Variants in COL4A6 observed in about 807,000 individuals in gnomAD.
COL4A6 encodes the protein collagen type IV alpha 6 chain.
COL4A6 carries 59 observed loss-of-function variants against 126.7 expected under a neutral mutation model. The observed-to-expected ratio is 0.47, with a 90% CI of 0.38 to 0.58. COL4A6 has a LOEUF of 0.58. COL4A6 is among the 20% of genes least tolerant of loss of function. The probability of loss-of-function intolerance (pLI) is 0.00; values close to 1 mark genes in which losing one functional copy is unlikely to be tolerated. For synonymous variants in COL4A6, 547 were observed against 496.6 expected (o/e 1.10, Z -1.35); for missense variants, 1,285 against 1,337.3 (o/e 0.96, Z 0.61).
At chrX:108,283,543 A>G (rs1205178972) in intron 3 of COL4A6, among the ~76,000 whole-genome samples, 2 of 106,704 alleles carry the variant, frequency 1.9e-5, no homozygotes, top group Non-Finnish European at 1.9e-5. Flanking sequence ...CCTTAAGATG[A>G]ACATTCTCCT....
At chrX:108,178,896 T>C (rs748513885) in intron 26 of COL4A6, 51 bp from the exon 27 acceptor site, 16 of 1,149,794 alleles carry the variant, frequency 1.4e-5, no homozygotes, top group Non-Finnish European at 1.9e-5. Flanking sequence ...TAGCAGTGAG[T>C]GGGTCAGCAA....
At chrX:108,388,294 C>T (rs1436527321) in intron 2 of COL4A6, among the ~76,000 whole-genome samples, 1 of 112,065 alleles carries the variant, frequency 8.9e-6, no homozygotes, top group Non-Finnish European at 1.9e-5. Flanking sequence ...AGGAATGGTA[C>T]CAGCTCCTCT....
intron 31 of COL4A6, 23 bp downstream of exon 31, chrX:108,174,417 G>A: frequency 4.1e-6 from 5 of 1,206,765 alleles, no homozygotes; most frequent in Non-Finnish European, 5.6e-6. Flanking sequence ...CTGGTATAAA[G>A]ACAAAGATCT....
At chrX:108,276,006 G>T (rs1332530690) in intron 3 of COL4A6, among the ~76,000 whole-genome samples, 1 of 112,789 alleles carries the variant, frequency 8.9e-6, no homozygotes, top group African/African-American at 3.2e-5. Flanking sequence ...AAAACAGAAG[G>T]TTCCTCCTGT....
rs1027262497 is a variant in COL4A6 at position 108,302,845 on chromosome X, A to T, written c.144+7903T>A. Among the ~76,000 whole-genome samples, 3 of 111,635 alleles carry T rather than the reference A, an allele frequency of 2.7e-5. No homozygotes were observed. In the Admixed American group the frequency reaches 2.9e-4, roughly 11 times the overall value. On this transcript the variant is annotated intron_variant, in intron 3 of 44. Transcript: ENST00000334504. ...AATAGTAATAATAATAGTCTAATAC[A>T]TAGCATTTAGTGAACCACACAGCTT...
intron 3 of COL4A6, among the ~76,000 whole-genome samples, chrX:108,301,296 T>C (rs927817846): frequency 1.8e-5 from 2 of 112,345 alleles, no homozygotes; most frequent in Non-Finnish European, 3.8e-5. Flanking sequence ...TGTAATCACA[T>C]ATAAAAAACA....
intron 7 of COL4A6, among the ~76,000 whole-genome samples, chrX:108,210,673 A>G (rs1469472059): frequency 1.8e-5 from 2 of 112,242 alleles, no homozygotes; most frequent in African/African-American, 6.5e-5. Flanking sequence ...TAGCATGGAA[A>G]GAGCACTGCC....
At chrX:108,212,559 G>C (rs2148230473) in intron 6 of COL4A6, among the ~76,000 whole-genome samples, 1 of 111,860 alleles carries the variant, frequency 8.9e-6, no homozygotes, top group Admixed American at 9.5e-5. Flanking sequence ...TAAGCTTTGT[G>C]GACTGAAGCA....
rs1298112378 is a variant in COL4A6, at chrX:108,389,424, G to T, written c.63+48518C>A. ...CCCGTATTGGGTGCATATATATTTA[G>T]GATAGTTACCTCTTCTTTTGCATTG... On this transcript the variant is annotated intron_variant, in intron 2 of 44. Coordinates refer to ENST00000334504, the MANE Select transcript of COL4A6 (RefSeq NM_033641.4). Among the ~76,000 whole-genome samples, 29 of 111,675 alleles carry T rather than the reference G, an allele frequency of 2.6e-4. 1 individual carries two copies. Among genetic ancestry groups the T allele is most frequent in the Non-Finnish European group, 1.9e-5 (1 of 53,146 alleles).
chrX:108,159,729 C>A lies in COL4A6; in HGVS notation c.4545G>T (p.Leu1515=). 3 of 1,211,593 alleles carry A rather than the reference C, an allele frequency of 2.5e-6. No homozygotes were observed. Among genetic ancestry groups the A allele is most frequent in the South Asian group, 3.5e-5 (2 of 56,958 alleles). Residue 1515 remains leucine (L), a synonymous_variant, in exon 44 of 45, where the codon CTG becomes CTT. Coordinates refer to ENST00000334504, the MANE Select transcript of COL4A6 (RefSeq NM_033641.4). ...TGAAGGGCATGGTGCTGAAGCGGGG[C>A]AGACAGGAGCCAGCAAAGCCTGGAA... ...NQDLGFAGSC[L]PRFSTMPFIY... is the part of the protein sequence containing the mutation.
chrX:108,342,898 C>T (rs762281459), intron 2 of COL4A6, among the ~76,000 whole-genome samples: 3 of 109,128 alleles, frequency 2.7e-5, no homozygotes, highest in Non-Finnish European at 5.7e-5. Flanking sequence ...ATGTGTTAGA[C>T]ACTGCATTAT....
intron 40 of COL4A6, chrX:108,163,327 G>T (rs1337746929): frequency 1.2e-5 from 3 of 250,882 alleles, no homozygotes; most frequent in Non-Finnish European, 2.1e-5. Context: ...AGAAGCATTT[G>T]CTGCTAATAT....
chrX:108,216,975 C>T (rs1159393291), intron 5 of COL4A6, among the ~76,000 whole-genome samples: 4 of 112,568 alleles, frequency 3.6e-5, no homozygotes, highest in Non-Finnish European at 7.5e-5. Flanking sequence ...GATAAACACA[C>T]ATTTCTTGTG....
At chrX:108,387,423 T>A (rs1288733560) in intron 2 of COL4A6, among the ~76,000 whole-genome samples, 1 of 111,838 alleles carries the variant, frequency 8.9e-6, no homozygotes, top group Non-Finnish European at 1.9e-5. Context: ...CTTGAAGAGG[T>A]CCTTCATATC....
chrX:108,302,121 T>A (rs187295767), intron 3 of COL4A6, among the ~76,000 whole-genome samples: 16 of 111,398 alleles, frequency 1.4e-4, no homozygotes, highest in African/African-American at 5.2e-4. Context: ...AACATGTATA[T>A]TTATACATTG....
chrX:108,180,649 G>A (rs1248181761), intron 24 of COL4A6, 27 bp from the exon 25 acceptor site: 7 of 1,097,783 alleles, frequency 6.4e-6, no homozygotes, highest in Admixed American at 2.8e-5. Flanking sequence ...AAGCAATGAG[G>A]GGAAAGGAAA....
intron 2 of COL4A6, among the ~76,000 whole-genome samples, chrX:108,312,839 C>T (rs1167896886): frequency 1.8e-5 from 2 of 110,689 alleles, no homozygotes; most frequent in East Asian, 5.7e-4. Context: ...TTGAGTGTTC[C>T]ATAAAATTGG....
chrX:108,337,440 C>G (rs758371873), intron 2 of COL4A6, among the ~76,000 whole-genome samples: 14 of 112,763 alleles, frequency 1.2e-4, no homozygotes, highest in Non-Finnish European at 2.1e-4. Context: ...ATCACTCCAT[C>G]AGAAAGGAAA....
intron 3 of COL4A6, among the ~76,000 whole-genome samples, chrX:108,262,045 G>A (rs891833720): frequency 8.9e-6 from 1 of 111,933 alleles, no homozygotes; most frequent in Non-Finnish European, 1.9e-5. Flanking sequence ...CAAGGGATTT[G>A]TTGGGTCCTG....
Sources: gnomAD v4.1 joint callset for allele counts (sites outside exome capture counted in the v4.1 genomes callset) on GRCh38, gnomAD v4.1.1 for gene constraint, MANE v1.5 for transcripts, NCBI Gene and HGNC (gene_info 2026-07-23, HGNC 2026-07-21) for gene names.